R3HDM1: variants seen among roughly 807,000 people sequenced by gnomAD.
R3HDM1 encodes R3H domain containing 1.
A neutral mutation model predicts 141.1 loss-of-function variants in R3HDM1; 46 were observed. The ratio of observed to expected loss-of-function variants is 0.33; its 90% CI spans 0.26 to 0.42. R3HDM1 has a LOEUF of 0.42. Ranked by LOEUF, R3HDM1 falls within the 10% of genes least tolerant of loss-of-function variation. The probability of loss-of-function intolerance (pLI) is 1.00; values close to 1 mark genes in which losing one functional copy is unlikely to be tolerated. For synonymous variants in R3HDM1, 435 were observed against 472.9 expected (o/e 0.92, Z 1.04); for missense variants, 1,184 against 1,368.3 (o/e 0.87, Z 2.12).
intron 3 of R3HDM1, among the ~76,000 whole-genome samples, chr2:135,608,231 A>G (rs1235347266): frequency 6.6e-6 from 1 of 151,964 alleles, no homozygotes; most frequent in Non-Finnish European, 1.5e-5. Flanking sequence ...CAGGAGAATC[A>G]CTTGAACCCA....
chr2:135,564,140 C>A (rs571079911), intron 1 of R3HDM1, among the ~76,000 whole-genome samples: 20 of 152,262 alleles, frequency 1.3e-4, no homozygotes, highest in Non-Finnish European at 2.6e-4. Flanking sequence ...TACATTCCAA[C>A]ATGAAATTTG....
At position 135,651,802 on chromosome 2, in the gene R3HDM1, C is replaced by T; in HGVS notation, c.1798C>T (p.His600Tyr). ...RQPSADGSDPHAAMFQSTVVL... is the reference protein window; with the variant it reads ...RQPSADGSDPYAAMFQSTVVL... ...GCCATCTGCTGATGGTTCTGACCCT[C>T]ATGCCGCCATGTTCCAGTCCACTGT... Residue 600 changes from histidine (H) to tyrosine (Y), a missense_variant, in exon 18 of 27, where the codon CAT becomes TAT. Physicochemically the swap from His to Tyr is moderately conservative, Grantham distance 83. Transcript: ENST00000683871. 6.2e-7 allele frequency: 1 copy of T among 1,614,180 alleles called. No individual in the cohort carries two copies. The highest frequency in any genetic ancestry group is 8.5e-7 in the Non-Finnish European group (1 of 1,180,014).
chr2:135,551,208 A>C (rs1386891016), intron 1 of R3HDM1, among the ~76,000 whole-genome samples: 1 of 152,208 alleles, frequency 6.6e-6, no homozygotes, highest in Non-Finnish European at 1.5e-5. Flanking sequence ...GCATGGCAGT[A>C]GGTTAGTAGG....
At chr2:135,586,340 G>A (rs144156825) in intron 1 of R3HDM1, 6 of 152,696 alleles carry the variant, frequency 3.9e-5, no homozygotes, top group African/African-American at 1.4e-4. Context: ...AGTCCTCCTC[G>A]GCAAGTGCTT....
intron 16 of R3HDM1, among the ~76,000 whole-genome samples, chr2:135,645,729 A>G (rs2064327562): frequency 6.6e-6 from 1 of 152,228 alleles, no homozygotes; most frequent in Admixed American, 6.5e-5. Context: ...ATATGTTGGA[A>G]AGAAGGGAAT....
At chr2:135,651,390 A>G (rs754679578) in intron 17 of R3HDM1, 3 of 983,442 alleles carry the variant, frequency 3.1e-6, no homozygotes, top group Non-Finnish European at 3.6e-6. Flanking sequence ...ATTGTATAAT[A>G]TGAACTTGGC....
chr2:135,692,567 G>A (rs1439153725), intron 21 of R3HDM1, among the ~76,000 whole-genome samples: 1 of 152,080 alleles, frequency 6.6e-6, no homozygotes, highest in Non-Finnish European at 1.5e-5. Flanking sequence ...ACTCCAGCCT[G>A]GGCCAAAGAG....
intron 16 of R3HDM1, 67 bp from the exon 17 acceptor site, chr2:135,649,835 G>A (rs781182900): frequency 6.2e-6 from 6 of 969,286 alleles, no homozygotes; most frequent in Non-Finnish European, 7.8e-6. Context: ...GTAAATTTCC[G>A]TTTTATGCAA....
chr2:135,591,882 C>T (rs187698425), intron 1 of R3HDM1, among the ~76,000 whole-genome samples: 1 of 152,280 alleles, frequency 6.6e-6, no homozygotes, highest in East Asian at 1.9e-4. Flanking sequence ...GTCCCAAATG[C>T]AAAGCTTTTG....
At chr2:135,611,176 C>T (rs183474266) in intron 3 of R3HDM1, among the ~76,000 whole-genome samples, 62 of 150,842 alleles carry the variant, frequency 4.1e-4, no homozygotes, top group South Asian at 6.3e-4. Flanking sequence ...AATCCCAGCA[C>T]GTTGGGAGGC....
intron 1 of R3HDM1, among the ~76,000 whole-genome samples, chr2:135,549,561 C>G (rs78682991): frequency 1.5e-5 from 1 of 67,480 alleles, no homozygotes; most frequent in African/African-American, 5.0e-5. Context: ...AACTCTGCCT[C>G]AAAAAAAAAA....
At chr2:135,675,202 G>T (rs1453169892) in intron 19 of R3HDM1, 130 bp from the exon 20 acceptor site, 3 of 914,892 alleles carry the variant, frequency 3.3e-6, no homozygotes, top group Admixed American at 5.9e-5. Flanking sequence ...ATAATAGATG[G>T]TTTTAGGGGC....
chr2:135,683,399 C>A (rs2070685220), intron 21 of R3HDM1, among the ~76,000 whole-genome samples: 1 of 151,814 alleles, frequency 6.6e-6, no homozygotes, highest in South Asian at 2.1e-4. Context: ...ACTAAAAATA[C>A]AAAAATTAGC....
At chr2:135,649,290 C>T (rs980740755) in intron 16 of R3HDM1, 2 of 152,158 alleles carry the variant, frequency 1.3e-5, no homozygotes, top group East Asian at 1.9e-4. Context: ...TGGTCTCAAT[C>T]TCCTGACCTC....
At chr2:135,621,709 T>G (rs996266231) in intron 6 of R3HDM1, 101 bp downstream of exon 6, 238 of 1,364,666 alleles carry the variant, frequency 1.7e-4, no homozygotes, top group Middle Eastern at 2.7e-4. Flanking sequence ...TTATGTAAAA[T>G]GACACAGAAC....
intron 9 of R3HDM1, among the ~76,000 whole-genome samples, chr2:135,635,487 ATG>A (rs1161243869): frequency 3.3e-5 from 5 of 152,236 alleles, no homozygotes; most frequent in African/African-American, 1.2e-4. Context: ...TTACTGTTTT[ATG>A]TGTTACTGAC....
intron 9 of R3HDM1, among the ~76,000 whole-genome samples, chr2:135,634,067 G>C (rs60788539): frequency 6.6e-6 from 1 of 152,130 alleles, no homozygotes; most frequent in Non-Finnish European, 1.5e-5. Context: ...GCCATGGTCA[G>C]AACTAAATAA....
Position 135,635,969 on chromosome 2 carries a change from A to G in R3HDM1, c.778A>G (p.Asn260Asp). The change falls in exon 10 of 27, where the codon AAC (asparagine) becomes GAC (aspartate). Residue 260 changes from asparagine to aspartate, a missense_variant. Physicochemically the swap from Asn to Asp is conservative, Grantham distance 23 (BLOSUM62 1). This residue lies in a region of R3HDM1 where 240 missense variants were observed against 312.3 expected (regional missense o/e 0.77). Transcript: ENST00000683871. Reference sequence around the variant, plus strand: ...GAAACGTTATATCCTCAAGAGAGATAACTCTAGCTTTGACAAAGATGATAA... The same window carrying G: ...GAAACGTTATATCCTCAAGAGAGATGACTCTAGCTTTGACAAAGATGATAA... ...FQKRYILKRD[N>D]SSFDKDDNQM... The G allele has an allele frequency of 6.2e-7, 1 of 1,612,174 alleles. No individual in the cohort carries two copies. The highest frequency in any genetic ancestry group is 8.5e-7 in the Non-Finnish European group (1 of 1,179,292).
intron 1 of R3HDM1, among the ~76,000 whole-genome samples, chr2:135,600,466 A>G (rs150488094): frequency 2.9e-4 from 44 of 152,278 alleles, no homozygotes; most frequent in African/African-American, 1.0e-3. Flanking sequence ...CCTGGGAGAG[A>G]GGCTGTGGTC....
Sources: allele counts gnomAD v4.1 joint callset (sites outside exome capture counted in the v4.1 genomes callset), GRCh38; gene constraint gnomAD v4.1.1; regional missense constraint gnomAD v4.1.1; transcripts MANE v1.5; gene names NCBI Gene and HGNC (gene_info 2026-07-23, HGNC 2026-07-21).